Variants in TRMT11 observed in about 807,000 individuals in gnomAD.
TRMT11 encodes the protein tRNA (guanine(10)-N(2))-methyltransferase TRMT11.
A neutral mutation model predicts 62.8 loss-of-function variants in TRMT11; 53 were observed. The ratio of observed to expected loss-of-function variants is 0.84; its 90% CI spans 0.68 to 1.06. The LOEUF (loss-of-function observed/expected upper bound fraction) is 1.06, where lower values mean the gene tolerates loss of function less well. TRMT11 is among the 50% of genes least tolerant of loss of function. TRMT11 has a pLI of 0.00. For synonymous variants in TRMT11, 188 were observed against 190.3 expected (o/e 0.99, Z 0.10); for missense variants, 556 against 553.4 (o/e 1.00, Z -0.05).
the TRMT11 span, among the ~76,000 whole-genome samples, chr6:126,255,236 A>T: frequency 8.5e-5 from 13 of 152,338 alleles, no homozygotes; most frequent in African/African-American, 3.1e-4. Flanking sequence ...TAATATCTAT[A>T]CCTTTTTTCT....
At chr6:126,194,510 T>C (rs1204764164) in intron 1 of TRMT11, among the ~76,000 whole-genome samples, 1 of 152,194 alleles carries the variant, frequency 6.6e-6, no homozygotes, top group Non-Finnish European at 1.5e-5. Context: ...GATACATTAA[T>C]ACAATCTTAT....
chr6:126,192,747 T>A (rs1778617946), intron 1 of TRMT11, among the ~76,000 whole-genome samples: 2 of 152,228 alleles, frequency 1.3e-5, no homozygotes, highest in South Asian at 4.1e-4. Context: ...ATCATGTTTA[T>A]TGATTTGATT....
At chr6:126,209,271 T>C in the TRMT11 span, among the ~76,000 whole-genome samples, 1 of 152,160 alleles carries the variant, frequency 6.6e-6, no homozygotes, top group African/African-American at 2.4e-5. Context: ...ATTAGTGTCA[T>C]CATTAATAAA....
At chr6:126,265,745 C>T in the TRMT11 span, among the ~76,000 whole-genome samples, 2 of 152,144 alleles carry the variant, frequency 1.3e-5, no homozygotes, top group African/African-American at 2.4e-5. Context: ...ATGATTCCTA[C>T]TGAGAGTCAG....
intron 21 of TRMT11, among the ~76,000 whole-genome samples, chr6:126,157,227 A>G (rs1166945403): frequency 1.3e-5 from 2 of 152,212 alleles, no homozygotes; most frequent in Admixed American, 6.5e-5. Flanking sequence ...TTCTGCCAGC[A>G]TAGAAATGGC....
intron 11 of TRMT11, among the ~76,000 whole-genome samples, chr6:126,020,407 T>C (rs938732219): frequency 3.3e-5 from 5 of 152,240 alleles, no homozygotes; most frequent in Admixed American, 6.5e-5. Flanking sequence ...TTGGCCAAGA[T>C]TGATGCTAAC....
chr6:126,072,849 C>CCT (rs1287953369), intron 17 of TRMT11, among the ~76,000 whole-genome samples: 1 of 152,064 alleles, frequency 6.6e-6, no homozygotes, highest in Non-Finnish European at 1.5e-5. Flanking sequence ...AATGTTCCAC[C>CCT]CTCATGATCT....
At chr6:126,219,524 C>T in the TRMT11 span, among the ~76,000 whole-genome samples, 3 of 152,186 alleles carry the variant, frequency 2.0e-5, no homozygotes, top group Non-Finnish European at 4.4e-5. Flanking sequence ...AAGACTCTTT[C>T]TTCTAACTTT....
intron 11 of TRMT11, 37 bp downstream of exon 11, chr6:126,013,138 C>A: frequency 1.3e-6 from 2 of 1,572,244 alleles, no homozygotes; most frequent in Non-Finnish European, 1.7e-6. Flanking sequence ...TTTCATTTTT[C>A]TTACAATGTT....
intron 21 of TRMT11, among the ~76,000 whole-genome samples, chr6:126,138,420 G>A (rs1044030963): frequency 6.6e-6 from 1 of 151,838 alleles, no homozygotes; most frequent in Admixed American, 6.6e-5. Context: ...AGTTTGATAG[G>A]GCAGTTCTAT....
At chr6:126,062,755 C>T (rs776048138) in intron 17 of TRMT11, among the ~76,000 whole-genome samples, 36 of 152,084 alleles carry the variant, frequency 2.4e-4, no homozygotes, top group African/African-American at 7.7e-4. Context: ...ACATCTTTCC[C>T]GTAAATGTGT....
In TRMT11 at chr6:126,153,968, T is replaced by C. The variant is rs143382734; in HGVS notation, c.*1824-20857T>C. ...CTGTCAGTGAGTCATTCTCACTGCA[T>C]TGACACTGAGGCCCCCATGTGCGGT... On this transcript the variant is annotated intron_variant and NMD_transcript_variant, in intron 21 of 22. Transcript: ENST00000648977. Among the ~76,000 whole-genome samples, 158 of 152,278 alleles carry C rather than the reference T, an allele frequency of 1.0e-3. 1 individual carries two copies. The highest frequency in any genetic ancestry group is 0.01 in the Middle Eastern group (3 of 294).
intron 1 of TRMT11, among the ~76,000 whole-genome samples, chr6:126,185,867 G>A (rs890566826): frequency 9.9e-5 from 15 of 152,118 alleles, no homozygotes; most frequent in African/African-American, 3.1e-4. Flanking sequence ...AATGCCAGAT[G>A]CTTATAAAAC....
chr6:126,132,830 A>G (rs1777801756), intron 21 of TRMT11, among the ~76,000 whole-genome samples: 1 of 152,036 alleles, frequency 6.6e-6, no homozygotes, highest in Non-Finnish European at 1.5e-5. Context: ...GTAGTAGAAG[A>G]GCTCAGGTAT....
chr6:126,047,296 A>G (rs999542521), intron 16 of TRMT11, among the ~76,000 whole-genome samples: 3 of 151,046 alleles, frequency 2.0e-5, no homozygotes, highest in Non-Finnish European at 4.4e-5. Context: ...ACCCATATAA[A>G]CCCTAAACCC....
At chr6:126,254,847 T>C in the TRMT11 span, among the ~76,000 whole-genome samples, 1 of 152,180 alleles carries the variant, frequency 6.6e-6, no homozygotes, top group Middle Eastern at 3.2e-3. Flanking sequence ...AATCTCTTTA[T>C]TTCTATGGAT....
chr6:126,147,530 A>G (rs1777987382), intron 21 of TRMT11, among the ~76,000 whole-genome samples: 2 of 152,216 alleles, frequency 1.3e-5, no homozygotes, highest in African/African-American at 4.8e-5. Flanking sequence ...ACCAGGAAAC[A>G]CAATCTAGTG....
At chr6:126,173,060 A>G (rs1390762516), upstream of TRMT11, among the ~76,000 whole-genome samples, 4 of 152,122 alleles carry the variant, frequency 2.6e-5, no homozygotes, top group African/African-American at 9.7e-5. Context: ...TTGCCAACAC[A>G]TGTTTTCGGA....
At chr6:126,125,859 A>T (rs571986958) in intron 21 of TRMT11, among the ~76,000 whole-genome samples, 1 of 152,104 alleles carries the variant, frequency 6.6e-6, no homozygotes, top group African/African-American at 2.4e-5. Context: ...ATGTTAAAAA[A>T]AATTAGACTA....
Sources: allele counts gnomAD v4.1 joint callset (sites outside exome capture counted in the v4.1 genomes callset), GRCh38; gene constraint gnomAD v4.1.1; transcripts MANE v1.5; gene names NCBI Gene and HGNC (gene_info 2026-07-23, HGNC 2026-07-21).